Variants in PTPRK observed in about 807,000 individuals in gnomAD.
PTPRK encodes protein tyrosine phosphatase receptor type K, also known as receptor-type tyrosine-protein phosphatase kappa.
In PTPRK, 75 loss-of-function variants were observed where a neutral mutation model predicts 178.0. The observed-to-expected ratio is 0.42, with a 90% CI of 0.35 to 0.51. PTPRK has a LOEUF of 0.51. PTPRK is among the 20% of genes least tolerant of loss of function. PTPRK has a pLI of 0.02. For missense variants in PTPRK, 1,441 were observed against 1,797.8 expected, an observed-to-expected ratio of 0.80 and a Z score of 3.59; for synonymous variants, 637 against 620.6, an observed-to-expected ratio of 1.03 and a Z score of -0.39.
Position 128,184,296 on chromosome 6 carries a change from T to C in PTPRK, c.1162+136A>G, listed in dbSNP as rs527533097. 217 of 908,084 alleles carry C rather than the reference T, an allele frequency of 2.4e-4. 1 individual carries two copies. The South Asian group carries it at 3.3e-3, about 14-fold the overall frequency. 56.3% of individuals were successfully genotyped at this position (908,084 alleles called of 1,614,324 possible). On this transcript the variant is annotated intron_variant, in intron 7 of 29. Transcript: ENST00000368226. The stretch of plus-strand genomic sequence containing the variant: ...TTATGACATAATCAAGGTGATGATT[T>C]ATGTAATTCATTGGAACTCTTAATA...
chr6:128,287,023 T>A (rs143896401), intron 3 of PTPRK, among the ~76,000 whole-genome samples: 1 of 152,208 alleles, frequency 6.6e-6, no homozygotes, highest in Non-Finnish European at 1.5e-5. Flanking sequence ...TTACCTGATA[T>A]ATATTCCAAT....
chr6:128,375,585 G>A (rs1178248525), intron 2 of PTPRK, among the ~76,000 whole-genome samples: 2 of 151,816 alleles, frequency 1.3e-5, no homozygotes, highest in African/African-American at 2.4e-5. Context: ...TTCCATCCCC[G>A]GCCCCTCCGA....
At chr6:128,252,675 C>T (rs1249531172) in intron 3 of PTPRK, among the ~76,000 whole-genome samples, 1 of 152,160 alleles carries the variant, frequency 6.6e-6, no homozygotes, top group Non-Finnish European at 1.5e-5. Flanking sequence ...GACAGAGACA[C>T]ACACAAGCAC....
At chr6:128,506,419 T>A (rs1468207856) in intron 1 of PTPRK, among the ~76,000 whole-genome samples, 1 of 152,158 alleles carries the variant, frequency 6.6e-6, no homozygotes, top group East Asian at 1.9e-4. Context: ...TCCCTCAACC[T>A]ACCTAGAGAA....
intron 1 of PTPRK, among the ~76,000 whole-genome samples, chr6:128,457,256 T>C (rs998990989): frequency 2.6e-5 from 4 of 152,148 alleles, no homozygotes; most frequent in African/African-American, 9.6e-5. Context: ...CTATGGAAAA[T>C]ACTTTCAAAG....
chr6:127,973,965 TG>T, intron 27 of PTPRK, 138 bp from the exon 28 acceptor site: 1 of 753,892 alleles, frequency 1.3e-6, no homozygotes, highest in Admixed American at 3.4e-5. Flanking sequence ...AATATGTACA[TG>T]CTAGTAAAAA....
intron 7 of PTPRK, among the ~76,000 whole-genome samples, chr6:128,172,870 C>A (rs1023924870): frequency 5.3e-5 from 8 of 151,654 alleles, no homozygotes; most frequent in Admixed American, 5.3e-4. Context: ...TCAATATATT[C>A]CAAAGAATGG....
intron 7 of PTPRK, among the ~76,000 whole-genome samples, chr6:128,111,313 C>T (rs1263344190): frequency 6.6e-6 from 1 of 152,162 alleles, no homozygotes; most frequent in Non-Finnish European, 1.5e-5. Flanking sequence ...CATCTCTTCA[C>T]TATTTCTGGT....
At chr6:128,413,088 G>A (rs1244616898) in intron 1 of PTPRK, among the ~76,000 whole-genome samples, 2 of 152,090 alleles carry the variant, frequency 1.3e-5, no homozygotes, top group African/African-American at 4.8e-5. Flanking sequence ...ATTTCCTCAG[G>A]AAGGGCATTT....
At chr6:128,058,542 T>C (rs1300377220) in intron 13 of PTPRK, among the ~76,000 whole-genome samples, 3 of 152,166 alleles carry the variant, frequency 2.0e-5, no homozygotes, top group South Asian at 2.1e-4. Flanking sequence ...GTTTTTGATA[T>C]GCCTTATTTC....
At chr6:128,477,103 C>T (rs2128421564) in intron 1 of PTPRK, among the ~76,000 whole-genome samples, 1 of 152,108 alleles carries the variant, frequency 6.6e-6, no homozygotes, top group East Asian at 1.9e-4. Flanking sequence ...TGTGAAATTA[C>T]CCTGAACTAA....
intron 1 of PTPRK, among the ~76,000 whole-genome samples, chr6:128,448,929 G>C (rs1257883670): frequency 1.3e-5 from 2 of 151,988 alleles, no homozygotes; most frequent in Non-Finnish European, 2.9e-5. Context: ...GCATGATCTC[G>C]GCTCATTGCA....
intron 1 of PTPRK, among the ~76,000 whole-genome samples, chr6:128,503,623 T>C (rs1211735320): frequency 6.6e-6 from 1 of 152,098 alleles, no homozygotes; most frequent in Non-Finnish European, 1.5e-5. Context: ...TCAGATAAAC[T>C]CTGTCATACA....
At chr6:128,474,201 CA>C (rs1851087317) in intron 1 of PTPRK, among the ~76,000 whole-genome samples, 4 of 151,940 alleles carry the variant, frequency 2.6e-5, no homozygotes, top group Admixed American at 2.6e-4. Context: ...AACAAACAAA[CA>C]AACCCTGAAA....
intron 3 of PTPRK, among the ~76,000 whole-genome samples, chr6:128,286,403 CT>C (rs1822513035): frequency 6.6e-6 from 1 of 152,012 alleles, no homozygotes; most frequent in Non-Finnish European, 1.5e-5. Flanking sequence ...TTATATTAAT[CT>C]TTTTTCACAT....
At chr6:127,986,949 C>T (rs1316656340) in intron 21 of PTPRK, among the ~76,000 whole-genome samples, 1 of 152,086 alleles carries the variant, frequency 6.6e-6, no homozygotes, top group African/African-American at 2.4e-5. Context: ...ATAACTGTAA[C>T]AATCACAATG....
intron 11 of PTPRK, among the ~76,000 whole-genome samples, chr6:128,071,827 T>C (rs1175210549): frequency 6.6e-6 from 1 of 152,110 alleles, no homozygotes; most frequent in Non-Finnish European, 1.5e-5. Context: ...CTATCTTTCC[T>C]TCATTGTTCA....
intron 2 of PTPRK, among the ~76,000 whole-genome samples, chr6:128,362,533 G>A (rs1834919367): frequency 1.3e-5 from 2 of 152,100 alleles, no homozygotes; most frequent in Admixed American, 1.3e-4. Flanking sequence ...TCAAAACAAG[G>A]ATCTAAATTA....
intron 7 of PTPRK, among the ~76,000 whole-genome samples, chr6:128,095,276 T>C (rs1787728340): frequency 6.6e-6 from 1 of 152,182 alleles, no homozygotes; most frequent in South Asian, 2.1e-4. Flanking sequence ...ACACACTTTG[T>C]ATCCCATACA....
Sources: gnomAD v4.1 joint callset for allele counts (sites outside exome capture counted in the v4.1 genomes callset) on GRCh38, gnomAD v4.1.1 for gene constraint, MANE v1.5 for transcripts, NCBI Gene and HGNC (gene_info 2026-07-23, HGNC 2026-07-21) for gene names.